DIAPH2: variants seen among roughly 807,000 people sequenced by gnomAD.
DIAPH2 encodes diaphanous related formin 2.
In DIAPH2, 35 loss-of-function variants were observed where a neutral mutation model predicts 92.7. That is an observed-to-expected ratio of 0.38 (90% CI 0.29 to 0.50). DIAPH2 has a LOEUF of 0.50. DIAPH2 is among the 20% of genes least tolerant of loss of function. DIAPH2 has a pLI of 0.94. For missense variants in DIAPH2, 701 were observed against 819.5 expected, an observed-to-expected ratio of 0.86 and a Z score of 1.77; for synonymous variants, 301 against 280.4, an observed-to-expected ratio of 1.07 and a Z score of -0.73.
At chrX:96,770,185 G>A (rs1247376900) in intron 4 of DIAPH2, among the ~76,000 whole-genome samples, 7 of 103,956 alleles carry the variant, frequency 6.7e-5, no homozygotes, top group Non-Finnish European at 1.9e-5. Flanking sequence ...GTGACAGAGC[G>A]AGACTGTGTC....
intron 21 of DIAPH2, among the ~76,000 whole-genome samples, chrX:97,134,883 G>A (rs1284083248): frequency 2.7e-5 from 3 of 111,234 alleles, no homozygotes; most frequent in Non-Finnish European, 3.8e-5. Context: ...TAAATTATTC[G>A]TTCACATTAC....
At chrX:97,300,698 C>T (rs1432681565) in intron 23 of DIAPH2, among the ~76,000 whole-genome samples, 2 of 96,775 alleles carry the variant, frequency 2.1e-5, no homozygotes, top group South Asian at 5.1e-4. Context: ...TTTGGGAGGC[C>T]GAGGCGGGCG....
At chrX:96,900,252 G>A (rs1380103441) in intron 5 of DIAPH2, among the ~76,000 whole-genome samples, 1 of 111,463 alleles carries the variant, frequency 9.0e-6, no homozygotes, top group Non-Finnish European at 1.9e-5. Flanking sequence ...TTTTGCAGCT[G>A]TTGTAAAGAG....
chrX:96,750,075 T>C (rs1306855223), intron 3 of DIAPH2, among the ~76,000 whole-genome samples: 1 of 100,948 alleles, frequency 9.9e-6, no homozygotes, highest in African/African-American at 3.8e-5. Flanking sequence ...TTTTTTTTTT[T>C]GAGATGGAAA....
intron 4 of DIAPH2, among the ~76,000 whole-genome samples, chrX:96,765,190 CAT>C (rs1257921474): frequency 2.1e-4 from 16 of 75,626 alleles, no homozygotes; most frequent in African/African-American, 6.3e-4. Flanking sequence ...ACCATATTCA[CAT>C]GTTTTTTTTT....
chrX:97,056,454 C>T (rs1056095570), intron 17 of DIAPH2, among the ~76,000 whole-genome samples: 2 of 111,411 alleles, frequency 1.8e-5, no homozygotes, highest in Non-Finnish European at 3.8e-5. Flanking sequence ...AATGACCATA[C>T]GTATTAAAGG....
intron 24 of DIAPH2, among the ~76,000 whole-genome samples, chrX:97,378,316 G>A (rs890308626): frequency 4.6e-5 from 5 of 108,430 alleles, no homozygotes; most frequent in Non-Finnish European, 9.6e-5. Flanking sequence ...CCAGGAGGCG[G>A]AGCTTGCAGT....
chrX:97,460,121 G>C (rs556188107), intron 26 of DIAPH2, among the ~76,000 whole-genome samples: 1 of 111,059 alleles, frequency 9.0e-6, no homozygotes, highest in Admixed American at 9.6e-5. Context: ...GGTTTTATTT[G>C]GTGAAAAGGA....
chrX:97,279,734 A>G (rs1441531356), intron 23 of DIAPH2, among the ~76,000 whole-genome samples: 1 of 111,632 alleles, frequency 9.0e-6, no homozygotes, highest in Non-Finnish European at 1.9e-5. Context: ...ATTTAAGAGG[A>G]TAGTGAATAT....
At chrX:97,066,705 G>A (rs1476817323) in intron 17 of DIAPH2, among the ~76,000 whole-genome samples, 2 of 111,997 alleles carry the variant, frequency 1.8e-5, no homozygotes, top group African/African-American at 3.2e-5. Flanking sequence ...AGCTATGCAC[G>A]CTGTTAAACA....
chrX:97,299,577 A>T (rs2068676561), intron 23 of DIAPH2, among the ~76,000 whole-genome samples: 1 of 112,404 alleles, frequency 8.9e-6, no homozygotes, highest in African/African-American at 3.2e-5. Context: ...AGGTCATACC[A>T]TTTGTTAGTG....
chrX:97,125,471 CAAAAA>C (rs1159049051), intron 21 of DIAPH2, among the ~76,000 whole-genome samples: 2 of 19,218 alleles, frequency 1.0e-4, no homozygotes, highest in South Asian at 6.5e-3. Context: ...GACTCCGTCT[CAAAAA>C]AAAAAAAAAA....
At chrX:97,429,583 C>G in intron 25 of DIAPH2, 67 bp from the exon 26 acceptor site, 1 of 1,156,451 alleles carries the variant, frequency 8.6e-7, no homozygotes, top group Non-Finnish European at 1.2e-6. Context: ...AGGAGTTTTT[C>G]CCTTTATTTT....
intron 23 of DIAPH2, among the ~76,000 whole-genome samples, chrX:97,281,812 A>T (rs1043373766): frequency 9.0e-6 from 1 of 111,534 alleles, no homozygotes; most frequent in African/African-American, 3.3e-5. Context: ...CATTTGCAAC[A>T]AAGTTCATTA....
intron 22 of DIAPH2, among the ~76,000 whole-genome samples, chrX:97,229,076 A>G (rs1279966498): frequency 4.5e-5 from 5 of 111,668 alleles, no homozygotes. Context: ...TTTCCTTTTC[A>G]TGTTCACCAT....
intron 17 of DIAPH2, among the ~76,000 whole-genome samples, chrX:97,031,327 A>G (rs2066372532): frequency 1.4e-5 from 1 of 69,211 alleles, no homozygotes; most frequent in African/African-American, 6.2e-5. Context: ...AACCTTAGGC[A>G]TTCATTGGAA....
At chrX:96,928,568 C>A (rs2065598980) in intron 9 of DIAPH2, among the ~76,000 whole-genome samples, 1 of 111,082 alleles carries the variant, frequency 9.0e-6, no homozygotes, top group East Asian at 2.8e-4. Context: ...TTTTGTTTTC[C>A]ACATTCATAT....
intron 24 of DIAPH2, among the ~76,000 whole-genome samples, chrX:97,356,532 G>A (rs987942647): frequency 4.5e-5 from 5 of 111,726 alleles, no homozygotes; most frequent in African/African-American, 6.5e-5. Context: ...ATATTTGACC[G>A]GAATACCTCA....
At chrX:97,369,469 AGGTTAATTTAAGGACCACCATGACCAC>A (rs1224209121) in intron 24 of DIAPH2, among the ~76,000 whole-genome samples, 42,874 of 105,966 alleles carry the variant, frequency 0.4, 8,196 homozygotes, top group Non-Finnish European at 0.55. Context: ...TAGTGGCGTG[AGGTTAATTTAAGGACCACCATGACCAC>A]TAAGTGCTAT....
Sources: gnomAD v4.1 joint callset for allele counts (sites outside exome capture counted in the v4.1 genomes callset) on GRCh38, gnomAD v4.1.1 for gene constraint, MANE v1.5 for transcripts, NCBI Gene and HGNC (gene_info 2026-07-23, HGNC 2026-07-21) for gene names.